The following SPG7 variants were observed in gnomAD, a reference collection of about 807,000 sequenced individuals.
SPG7 encodes the protein SPG7 matrix AAA peptidase subunit, paraplegin.
In SPG7, 103 loss-of-function variants were observed where a neutral mutation model predicts 81.9. The observed-to-expected ratio is 1.26, with a 90% CI of 1.07 to 1.48. SPG7 has a LOEUF of 1.48. Among genes scored for constraint, SPG7 ranks in the 40% most tolerant of loss-of-function variants. SPG7 has a pLI of 0.00. For synonymous variants in SPG7, 534 were observed against 444.2 expected, an observed-to-expected ratio of 1.20 and a Z score of -2.54; for missense variants, 1,241 against 1,087.3, an observed-to-expected ratio of 1.14 and a Z score of -1.99.
At chr16:89,509,736 G>A (rs1342401682) in intron 1 of SPG7, among the ~76,000 whole-genome samples, 1 of 151,580 alleles carries the variant, frequency 6.6e-6, no homozygotes, top group Non-Finnish European at 1.5e-5. Flanking sequence ...TCCTGCAGAA[G>A]CTTCAGGCCA....
At chr16:89,550,280 C>G (rs774642245) in intron 12 of SPG7, 79 of 519,890 alleles carry the variant, frequency 1.5e-4, no homozygotes, top group Middle Eastern at 5.5e-4. Flanking sequence ...TCAAGTGATT[C>G]TCTTGCCTCA....
intron 3 of SPG7, among the ~76,000 whole-genome samples, chr16:89,516,586 C>T (rs559536924): frequency 7.6e-4 from 116 of 151,696 alleles, no homozygotes; most frequent in African/African-American, 2.7e-3. Flanking sequence ...AAAGGCCGGG[C>T]GTGGTGGCTC....
intron 14 of SPG7, chr16:89,553,458 G>A (rs2058656829): frequency 1.9e-6 from 1 of 523,966 alleles, no homozygotes; most frequent in African/African-American, 1.9e-5. Context: ...GATATCCAGA[G>A]AGCTGAAGGA....
chr16:89,516,470 G>A (rs2058098029), intron 3 of SPG7, among the ~76,000 whole-genome samples: 1 of 152,080 alleles, frequency 6.6e-6, no homozygotes, highest in Non-Finnish European at 1.5e-5. Flanking sequence ...AGCATCGTTT[G>A]AACCTGGTAG....
At chr16:89,552,834 G>A (rs1335688810) in intron 13 of SPG7, 145 bp from the exon 14 acceptor site, 5 of 756,876 alleles carry the variant, frequency 6.6e-6, no homozygotes, top group Non-Finnish European at 9.1e-6. Context: ...AGAGTGTTAG[G>A]ATCCCCTGTT....
intron 16 of SPG7, 139 bp downstream of exon 16, chr16:89,554,702 C>G (rs2058669628): frequency 2.9e-6 from 2 of 683,118 alleles, no homozygotes; most frequent in Non-Finnish European, 5.3e-6. Flanking sequence ...TTCTACCCAG[C>G]TCAACTGAAA....
intron 14 of SPG7, 172 bp downstream of exon 14, chr16:89,553,307 T>G (rs2058655505): frequency 1.4e-6 from 1 of 727,750 alleles, no homozygotes; most frequent in African/African-American, 1.8e-5. Context: ...TAAGCAAGAC[T>G]TCTTAGATAA....
chr16:89,523,979 C>T (rs372907904), intron 3 of SPG7, 27 bp from the exon 4 acceptor site: 1,615 of 1,609,666 alleles, frequency 1.0e-3, no homozygotes, highest in Middle Eastern at 1.6e-3. Flanking sequence ...GTGTTTGTTT[C>T]TCCCTTTTGC....
Position 89,532,542 on chromosome 16 carries a change from C to G in SPG7, c.1230C>G (p.Ile410Met), listed in dbSNP as rs756619796. The change falls in exon 9 of 17, where the codon ATC becomes ATG. Residue 410 changes from isoleucine (I) to methionine (M), a missense_variant. Ile to Met is a conservative substitution (Grantham distance 10, BLOSUM62 1). Transcript: ENST00000645818. ...RAPCIVYIDE[I>M]DAVGKKRSTT... ...CCTGCATCGTCTACATCGATGAGAT[C>G]GACGCGGTGGGCAAGAAGCGCTCCA... 2 of 1,613,750 alleles carry G rather than the reference C, an allele frequency of 1.2e-6. No homozygotes were observed. Among genetic ancestry groups the G allele is most frequent in the African/African-American group, 1.3e-5 (1 of 75,046 alleles).
At position 89,536,982 on chromosome 16, in the gene SPG7, C is replaced by T. The variant is rs112830760; in HGVS notation, c.1324+4346C>T. The T allele has an allele frequency of 3.9e-4, 631 of 1,613,760 alleles. 3 individuals carry two copies. In the African/African-American group the frequency reaches 6.2e-3, roughly 16 times the overall value. ...ATATCAAACGATCTTCTCCACATAA[C>T]CTCTCTGTGCCATCATAAGAATAGC... On this transcript the variant is annotated intron_variant, in intron 9 of 16. Transcript: ENST00000645818.
rs935581559 is a variant in SPG7 at position 89,524,060 on chromosome 16, C to A, written c.431C>A (p.Thr144Asn). The A allele has an allele frequency of 2.5e-6, 4 of 1,613,684 alleles. No homozygotes were observed. In the African/African-American group the frequency reaches 4.0e-5, roughly 16 times the overall value. The change falls in exon 4 of 17, where the codon ACC becomes AAC. Residue 144 changes from threonine (T) to asparagine (N), a missense_variant. Physicochemically the swap from Thr to Asn is moderately conservative, Grantham distance 65. Transcript: ENST00000645818. ...DDQMYRERLR[T>N]LLVIAVVMSL... ...CAGATGTACCGAGAGCGGCTGCGCA[C>A]CTTGCTGGTCATCGCGGTTGTCATG...
chr16:89,556,203 AGT>A, intron 16 of SPG7: 1 of 399,004 alleles, frequency 2.5e-6, no homozygotes, highest in Middle Eastern at 6.3e-4. Flanking sequence ...CTAGAGAGGA[AGT>A]GTTTGTCTCT....
rs779395474 is a variant in SPG7, at chr16:89,529,463, CT to C, written c.759-11del. On this transcript the variant is annotated splice_polypyrimidine_tract_variant and intron_variant, in intron 5 of 16. Coordinates refer to ENST00000645818, the MANE Select transcript of SPG7 (RefSeq NM_003119.4). The stretch of plus-strand genomic sequence containing the variant: ...ACCGTCTGAGCCTGTGCCTGCCTCT[CT>C]TTCTTCCGGCAGTGCCCTGTACTCT... 4.4e-6 allele frequency: 7 copies of C among 1,594,540 alleles called. No individual in the cohort carries two copies. The Admixed American group carries it at 1.2e-4, about 27-fold the overall frequency.
intron 9 of SPG7, chr16:89,537,118 C>A: frequency 6.7e-7 from 1 of 1,487,396 alleles, no homozygotes; most frequent in South Asian, 1.3e-5. Flanking sequence ...TGTGCATGCT[C>A]AGCCCTGCCG....
rs756535079 is a variant in SPG7, at chr16:89,544,732, G to A, written c.1409G>A (p.Arg470Gln). ...GACGGTGCTCTGATGAGGCCAGGCC[G>A]ACTGGACCGGCACGTCTTCATTGAT... The part of the protein sequence containing the change: ...ILDGALMRPG[R>Q]LDRHVFIDLP... The change falls in exon 10 of 17, where the codon CGA becomes CAA. Residue 470 changes from arginine to glutamine, a missense_variant. Transcript: ENST00000645818. 35 of 1,613,978 alleles carry A rather than the reference G, an allele frequency of 2.2e-5. No individual in the cohort carries two copies. The highest frequency in any genetic ancestry group is 4.4e-5 in the South Asian group (4 of 91,072).
Position 89,530,579 on chromosome 16 carries a change from A to T in SPG7, c.862-104A>T. On this transcript the variant is annotated intron_variant, in intron 6 of 16. Coordinates refer to ENST00000645818, the MANE Select transcript of SPG7 (RefSeq NM_003119.4). ...GTGAAGCCTTGGGATCCTAGGATGG[A>T]GACGTGGGGTTGGGGCGGCTCAGGT... is the stretch of plus-strand genomic sequence containing the variant. 2.3e-6 allele frequency: 3 copies of T among 1,291,748 alleles called. No homozygotes were observed. The South Asian group carries it at 3.6e-5, about 15-fold the overall frequency. The allele number at this position is 1,291,748 out of a possible 1,614,324, so 80.0% of individuals were successfully genotyped here. A position where few individuals can be genotyped will look rare whatever the true frequency, so the allele number is the denominator to read the frequency against.
intron 9 of SPG7, chr16:89,537,750 C>G: frequency 1.0e-6 from 1 of 985,466 alleles, no homozygotes; most frequent in Non-Finnish European, 1.2e-6. Context: ...TGAGCTCTTT[C>G]AGGTCCAGGC....
rs150077467 is a variant in SPG7, at chr16:89,533,221, G to A, written c.1324+585G>A. On this transcript the variant is annotated intron_variant, in intron 9 of 16. Transcript: ENST00000645818. ...CTTGCTCTCTCTCCCAGGCTGGAGC[G>A]CAGTGGCACAATCTTGGCTCACTGC... 912 of 155,736 alleles carry A rather than the reference G, an allele frequency of 5.9e-3. 14 individuals are homozygous for A. The highest frequency in any genetic ancestry group is 0.02 in the African/African-American group (825 of 41,486). 9.6% of individuals were successfully genotyped at this position (155,736 alleles called of 1,614,324 possible).
rs1048044295 is a variant in SPG7 at position 89,550,347 on chromosome 16, A to G, written c.1664-147A>G. On this transcript the variant is annotated intron_variant, in intron 12 of 16. Coordinates refer to ENST00000645818, the MANE Select transcript of SPG7 (RefSeq NM_003119.4). ...GCCATCACACCTAGCTAATTTTTCTATTTTTAGTAGGGACGGGGTTTCACC... is the reference window on the plus strand; with the variant it reads ...GCCATCACACCTAGCTAATTTTTCTGTTTTTAGTAGGGACGGGGTTTCACC... The G allele has an allele frequency of 3.6e-5, 24 of 674,868 alleles. No homozygotes were observed. The African/African-American group carries it at 3.6e-4, about 10-fold the overall frequency. The allele number at this position is 674,868 out of a possible 1,614,324, so 41.8% of individuals were successfully genotyped here. A position where few individuals can be genotyped will look rare whatever the true frequency, so the allele number is the denominator to read the frequency against.
Sources: allele counts gnomAD v4.1 joint callset (sites outside exome capture counted in the v4.1 genomes callset), GRCh38; gene constraint gnomAD v4.1.1; transcripts MANE v1.5; gene names NCBI Gene and HGNC (gene_info 2026-07-23, HGNC 2026-07-21).